Variants in NFIB observed in about 807,000 individuals in gnomAD.
NFIB encodes the protein nuclear factor I B.
NFIB carries 11 observed loss-of-function variants against 61.5 expected under a neutral mutation model. The observed-to-expected ratio is 0.18, with a 90% CI of 0.11 to 0.30. The LOEUF is 0.30. NFIB is among the 10% of genes least tolerant of loss of function. NFIB has a pLI of 1.00. For missense variants in NFIB, 471 were observed against 608.9 expected (o/e 0.77, Z 2.38); for synonymous variants, 260 against 216.5 (o/e 1.20, Z -1.76).
chr9:14,158,291 C>T (rs554462930), intron 3 of NFIB, among the ~76,000 whole-genome samples: 66 of 152,268 alleles, frequency 4.3e-4, no homozygotes, highest in African/African-American at 1.6e-3. Context: ...CCTCTTTCTA[C>T]ACACTCTAGT....
rs117462221 is a variant in NFIB at position 14,114,596 on chromosome 9, G to T, written c.1385-1515C>A. On this transcript the variant is annotated intron_variant, in intron 9 of 10. Coordinates refer to ENST00000380953, the MANE Select transcript of NFIB (RefSeq NM_001190737.2). ...TTTATACAACCAAGATACTCCTTTT[G>T]AATATTTTGTAATTTTACTAGTCAA... Among the ~76,000 whole-genome samples the T allele has an allele frequency of 8.6e-3, 1,306 of 152,242 alleles. 7 individuals carry two copies. The highest frequency in any genetic ancestry group is 0.011 in the Non-Finnish European group (741 of 68,010).
intron 6 of NFIB, among the ~76,000 whole-genome samples, chr9:14,134,975 C>T (rs372984699): frequency 1.4e-5 from 2 of 141,466 alleles, no homozygotes; most frequent in African/African-American, 5.2e-5. Flanking sequence ...AAAAAACTTA[C>T]AAAATAGCAT....
At chr9:14,505,557 G>T in the NFIB span, among the ~76,000 whole-genome samples, 14 of 152,240 alleles carry the variant, frequency 9.2e-5, no homozygotes, top group East Asian at 2.7e-3. Context: ...GCTGCTGGTG[G>T]TACAGGAAGA....
chr9:14,502,539 G>C, the NFIB span, among the ~76,000 whole-genome samples: 3 of 152,122 alleles, frequency 2.0e-5, no homozygotes, highest in Non-Finnish European at 4.4e-5. Context: ...CAAGAAATCA[G>C]TTACTTATAT....
chr9:14,095,900 G>A (rs963672056), intron 10 of NFIB, among the ~76,000 whole-genome samples: 7 of 152,180 alleles, frequency 4.6e-5, no homozygotes, highest in African/African-American at 7.2e-5. Context: ...GTGAGCAAGA[G>A]AGAATAATTG....
chr9:14,262,116 C>T (rs947208321), intron 2 of NFIB, among the ~76,000 whole-genome samples: 7 of 152,096 alleles, frequency 4.6e-5, no homozygotes, highest in Admixed American at 2.0e-4. Context: ...TGCACTGCAC[C>T]GGCCCTCACC....
At chr9:14,109,536 T>C (rs2037042051) in intron 10 of NFIB, among the ~76,000 whole-genome samples, 1 of 152,014 alleles carries the variant, frequency 6.6e-6, no homozygotes, top group East Asian at 1.9e-4. Flanking sequence ...CATCTTCCAA[T>C]AGAAAAGTTA....
chr9:14,300,676 G>T (rs776034965), intron 2 of NFIB, among the ~76,000 whole-genome samples: 2 of 152,192 alleles, frequency 1.3e-5, no homozygotes, highest in Non-Finnish European at 2.9e-5. Context: ...AAGCCACCAT[G>T]ATAACAGAAA....
chr9:14,333,091 A>C (rs2132853687), intron 1 of NFIB, among the ~76,000 whole-genome samples: 1 of 152,286 alleles, frequency 6.6e-6, no homozygotes, highest in Admixed American at 6.5e-5. Context: ...CTGATCTGGA[A>C]CCACCTTGGT....
intron 2 of NFIB, among the ~76,000 whole-genome samples, chr9:14,221,371 T>A (rs537666953): frequency 1.3e-5 from 2 of 152,190 alleles, no homozygotes; most frequent in Non-Finnish European, 2.9e-5. Context: ...ATAAATAGAT[T>A]TGGTTGAATC....
chr9:14,402,195 G>A (rs2061749395), upstream of NFIB, among the ~76,000 whole-genome samples: 1 of 152,160 alleles, frequency 6.6e-6, no homozygotes, highest in Non-Finnish European at 1.5e-5. Flanking sequence ...CTTAGATGAA[G>A]CTGGATGAAA....
chr9:14,122,018 C>A (rs1394935504), intron 7 of NFIB, among the ~76,000 whole-genome samples: 1 of 151,916 alleles, frequency 6.6e-6, no homozygotes, highest in Non-Finnish European at 1.5e-5. Flanking sequence ...AAATGTCTTT[C>A]TATTTTAATA....
chr9:14,314,946 A>C (rs2060471275), upstream of NFIB, among the ~76,000 whole-genome samples: 1 of 151,854 alleles, frequency 6.6e-6, no homozygotes. Flanking sequence ...AGAAGCACCG[A>C]AACCGTCTGA....
upstream of NFIB, among the ~76,000 whole-genome samples, chr9:14,316,374 G>C (rs886810601): frequency 3.3e-5 from 5 of 151,844 alleles, no homozygotes; most frequent in African/African-American, 1.2e-4. Flanking sequence ...GGCCGGGGAC[G>C]GGGGCTGCTG....
intron 8 of NFIB, among the ~76,000 whole-genome samples, chr9:14,118,785 G>C (rs943597771): frequency 3.4e-5 from 3 of 87,174 alleles, no homozygotes; most frequent in Admixed American, 2.7e-4. Flanking sequence ...TTTTTTTTTT[G>C]AGATGAGAGT....
chr9:14,383,099 A>G (rs929998121), intron 1 of NFIB, among the ~76,000 whole-genome samples: 7 of 152,218 alleles, frequency 4.6e-5, no homozygotes, highest in African/African-American at 1.7e-4. Context: ...ATTGAAAATG[A>G]AAGGTAATAG....
At chr9:14,204,635 C>G in intron 2 of NFIB, 1 of 677,238 alleles carries the variant, frequency 1.5e-6, no homozygotes, top group Non-Finnish European at 2.6e-6. Flanking sequence ...GACCTCCCCA[C>G]TAAGAACACC....
At chr9:14,190,142 G>A (rs2047787723) in intron 2 of NFIB, among the ~76,000 whole-genome samples, 1 of 152,076 alleles carries the variant, frequency 6.6e-6, no homozygotes, top group Non-Finnish European at 1.5e-5. Context: ...ATATCCTTAT[G>A]TGAGCTTAGA....
At chr9:14,179,297 G>T (rs1305021921) in intron 3 of NFIB, among the ~76,000 whole-genome samples, 2 of 152,002 alleles carry the variant, frequency 1.3e-5, no homozygotes, top group African/African-American at 2.4e-5. Context: ...AAATCCTTCA[G>T]TGAAAACACA....
Sources: gnomAD v4.1 joint callset for allele counts (sites outside exome capture counted in the v4.1 genomes callset) on GRCh38, gnomAD v4.1.1 for gene constraint, MANE v1.5 for transcripts, NCBI Gene and HGNC (gene_info 2026-07-23, HGNC 2026-07-21) for gene names.